SPOCK1: variants seen among roughly 807,000 people sequenced by gnomAD.
The protein encoded by SPOCK1 is testican-1.
Under a neutral mutation model 55.3 loss-of-function variants are expected in SPOCK1, and 23 were observed. The observed-to-expected ratio is 0.42, with a 90% CI of 0.30 to 0.59. SPOCK1 has a LOEUF of 0.59. Among genes scored for constraint, SPOCK1 ranks in the 20% least tolerant of loss-of-function variants. The pLI is 0.22. For missense variants in SPOCK1, 499 were observed against 552.5 expected (o/e 0.90, Z 0.97); for synonymous variants, 226 against 221.0 (o/e 1.02, Z -0.20).
At chr5:137,125,446 A>G (rs1034346539) in intron 4 of SPOCK1, among the ~76,000 whole-genome samples, 1 of 152,128 alleles carries the variant, frequency 6.6e-6, no homozygotes, top group Non-Finnish European at 1.5e-5. Flanking sequence ...CTTAACCTCT[A>G]AGATGATGGT....
intron 2 of SPOCK1, among the ~76,000 whole-genome samples, chr5:137,393,458 A>G (rs768602135): frequency 1.2e-4 from 19 of 152,220 alleles, no homozygotes; most frequent in Non-Finnish European, 2.2e-4. Flanking sequence ...ATGCCAGGAG[A>G]CCAGCCAAGG....
intron 5 of SPOCK1, among the ~76,000 whole-genome samples, chr5:137,070,278 C>T (rs778813136): frequency 3.3e-5 from 5 of 152,174 alleles, no homozygotes; most frequent in Admixed American, 6.5e-5. Context: ...AATGTGAACA[C>T]GGAAATAGGG....
intron 2 of SPOCK1, among the ~76,000 whole-genome samples, chr5:137,455,586 C>A (rs1256576539): frequency 4.6e-5 from 7 of 152,142 alleles, no homozygotes; most frequent in Admixed American, 3.3e-4. Context: ...AACCATTTAC[C>A]ATGGGAATCT....
intron 5 of SPOCK1, among the ~76,000 whole-genome samples, chr5:137,084,899 C>A (rs1580742451): frequency 8.3e-6 from 1 of 120,484 alleles, no homozygotes. Flanking sequence ...TCTAAGGAAG[C>A]AAAGCACTTG....
intron 2 of SPOCK1, among the ~76,000 whole-genome samples, chr5:137,387,014 G>T (rs1368038649): frequency 1.3e-5 from 2 of 152,110 alleles, no homozygotes; most frequent in African/African-American, 4.8e-5. Context: ...TTAACAGACA[G>T]TTTACAGAAG....
At chr5:137,432,858 TA>T (rs1402040929) in intron 2 of SPOCK1, among the ~76,000 whole-genome samples, 2 of 152,226 alleles carry the variant, frequency 1.3e-5, no homozygotes, top group East Asian at 3.8e-4. Context: ...AGTAACTCGG[TA>T]AGTTGTCAGA....
At chr5:137,317,753 T>C (rs1230644420) in intron 2 of SPOCK1, among the ~76,000 whole-genome samples, 7 of 152,168 alleles carry the variant, frequency 4.6e-5, no homozygotes, top group Non-Finnish European at 2.9e-5. Flanking sequence ...ATGTGAAGCA[T>C]TCATGACAAA....
intron 6 of SPOCK1, among the ~76,000 whole-genome samples, chr5:137,017,239 A>G (rs1307656825): frequency 1.3e-5 from 2 of 152,204 alleles, no homozygotes; most frequent in Non-Finnish European, 2.9e-5. Context: ...TTTGGCAACT[A>G]CAGACAGCAT....
intron 2 of SPOCK1, among the ~76,000 whole-genome samples, chr5:137,368,909 G>A (rs1387664065): frequency 3.3e-5 from 5 of 152,222 alleles, no homozygotes; most frequent in Non-Finnish European, 4.4e-5. Context: ...AGCGGGGTTC[G>A]TGCAGCAAGC....
intron 5 of SPOCK1, 21 bp from the exon 6 acceptor site, chr5:137,067,850 A>G (rs1469590508): frequency 1.2e-6 from 2 of 1,600,112 alleles, no homozygotes; most frequent in African/African-American, 1.3e-5. Flanking sequence ...GAGACACAAC[A>G]GGTCTTAAGA....
intron 2 of SPOCK1, among the ~76,000 whole-genome samples, chr5:137,283,440 G>A (rs909752638): frequency 3.3e-4 from 50 of 152,270 alleles, no homozygotes; most frequent in Middle Eastern, 3.4e-3. Context: ...GAGACCAGGC[G>A]CAGTGGCTCA....
chr5:137,356,826 T>TAGAGAGAG (rs1750819003), intron 2 of SPOCK1, among the ~76,000 whole-genome samples: 3 of 19,342 alleles, frequency 1.6e-4, no homozygotes, highest in Non-Finnish European at 2.8e-4. Context: ...TATATATATA[T>TAGAGAGAG]ATATATATAT....
chr5:137,483,355 G>A (rs529875739), intron 2 of SPOCK1, among the ~76,000 whole-genome samples: 2 of 152,246 alleles, frequency 1.3e-5, no homozygotes, highest in South Asian at 4.1e-4. Context: ...AAAATAAAAA[G>A]TAATGTATTT....
intron 5 of SPOCK1, among the ~76,000 whole-genome samples, chr5:137,104,076 T>C (rs1325388472): frequency 1.3e-5 from 2 of 152,232 alleles, no homozygotes; most frequent in Non-Finnish European, 2.9e-5. Flanking sequence ...AGCAGTGATA[T>C]GGTTTGGATC....
intron 3 of SPOCK1, among the ~76,000 whole-genome samples, chr5:137,205,055 C>T (rs754915774): frequency 5.9e-5 from 9 of 152,300 alleles, no homozygotes; most frequent in East Asian, 5.8e-4. Flanking sequence ...TATCACCGTA[C>T]GCCATTTGTT....
chr5:137,321,552 G>A (rs1243916679), intron 2 of SPOCK1, among the ~76,000 whole-genome samples: 4 of 152,084 alleles, frequency 2.6e-5, no homozygotes, highest in African/African-American at 4.8e-5. Flanking sequence ...GGCCAAAACA[G>A]AGTAGGATGA....
At chr5:137,475,666 T>G (rs2149840837) in intron 2 of SPOCK1, among the ~76,000 whole-genome samples, 1 of 152,236 alleles carries the variant, frequency 6.6e-6, no homozygotes, top group South Asian at 2.1e-4. Flanking sequence ...CACTGCAGCC[T>G]TGAACTCCTG....
intron 3 of SPOCK1, among the ~76,000 whole-genome samples, chr5:137,193,010 G>GT (rs1420846426): frequency 1.3e-5 from 2 of 152,192 alleles, no homozygotes. Flanking sequence ...TTTTGTTTTT[G>GT]TAAGTAAAAG....
intron 3 of SPOCK1, among the ~76,000 whole-genome samples, 190 bp from the exon 4 acceptor site, chr5:137,140,884 A>G (rs1754082902): frequency 6.8e-6 from 1 of 146,810 alleles, no homozygotes; most frequent in Non-Finnish European, 1.5e-5. Flanking sequence ...TCAGCCTCCC[A>G]AAGTAGCTGG....
Sources: allele counts gnomAD v4.1 joint callset (sites outside exome capture counted in the v4.1 genomes callset), GRCh38; gene constraint gnomAD v4.1.1; transcripts MANE v1.5; gene names NCBI Gene and HGNC (gene_info 2026-07-23, HGNC 2026-07-21).